Variants in FPR3 observed in about 807,000 individuals in gnomAD.
The protein encoded by FPR3 is formyl peptide receptor 3.
For missense variants in FPR3, 346 were observed against 443.2 expected (o/e 0.78, Z 1.97); for synonymous variants, 135 against 163.6 (o/e 0.83, Z 1.34).
At chr19:51,801,508 C>T (rs886191958) in intron 1 of FPR3, among the ~76,000 whole-genome samples, 1 of 152,174 alleles carries the variant, frequency 6.6e-6, no homozygotes, top group Non-Finnish European at 1.5e-5. Context: ...CGGCCGGACG[C>T]GGTGGCTCAC....
At chr19:51,821,577 G>C (rs1047509719) in intron 1 of FPR3, among the ~76,000 whole-genome samples, 2 of 152,094 alleles carry the variant, frequency 1.3e-5, no homozygotes, top group Non-Finnish European at 2.9e-5. Context: ...GAAAGTGACT[G>C]GTAATGACAG....
rs374836904 is a variant in FPR3, at chr19:51,801,713, G to A, written c.-11+6382G>A. Reference sequence around the variant, plus strand: ...GGACAATTGCTTGAACCTGGGAGGTGGAGGTTGCAGTGAGCCGAGATTGTG... The same window carrying A: ...GGACAATTGCTTGAACCTGGGAGGTAGAGGTTGCAGTGAGCCGAGATTGTG... On this transcript the variant is annotated intron_variant, in intron 1 of 1. Coordinates refer to ENST00000339223, the MANE Select transcript of FPR3 (RefSeq NM_002030.5). Among the ~76,000 whole-genome samples the A allele has an allele frequency of 1.7e-4, 26 of 152,278 alleles. No homozygotes were observed. In the East Asian group the frequency reaches 2.9e-3, roughly 17 times the overall value.
Position 51,824,022 on chromosome 19 carries a change from C to A in FPR3, c.274C>A (p.Pro92Thr), listed in dbSNP as rs772344801. Residue 92 changes from proline to threonine, a missense_variant, in exon 2 of 2, where the codon CCT becomes ACT. Physicochemically the swap from Pro to Thr is conservative, Grantham distance 38. Coordinates refer to ENST00000339223, the MANE Select transcript of FPR3 (RefSeq NM_002030.5). This position sits in a 1 kb window ranked among gnomAD's most constrained non-coding sequence, Gnocchi z 4.7. Reference protein sequence around the residue: ...MVSVAMREKWPFGSFLCKLVH... With the variant: ...MVSVAMREKWTFGSFLCKLVH... ...CTCAGTCGCCATGAGAGAAAAATGG[C>A]CTTTTGGCTCATTCCTATGTAAGTT... The A allele has an allele frequency of 5.6e-6, 9 of 1,614,074 alleles. No homozygotes were observed. The highest frequency in any genetic ancestry group is 3.3e-5 in the Admixed American group (2 of 60,006).
intron 1 of FPR3, 53 bp from the exon 2 acceptor site, chr19:51,823,686 G>A: frequency 1.5e-6 from 2 of 1,338,728 alleles, no homozygotes; most frequent in East Asian, 2.3e-5. Flanking sequence ...ATGAATAGTT[G>A]TATTGTAAGA....
chr19:51,800,677 T>C (rs905130637), intron 1 of FPR3, among the ~76,000 whole-genome samples: 2 of 152,144 alleles, frequency 1.3e-5, no homozygotes, highest in South Asian at 4.1e-4. Flanking sequence ...ATGGAATGTT[T>C]CACTTTGACC....
chr19:51,825,026 G>A lies in FPR3; in HGVS notation c.*216G>A. On this transcript the variant is annotated 3_prime_UTR_variant, in exon 2 of 2. Coordinates refer to ENST00000339223, the MANE Select transcript of FPR3 (RefSeq NM_002030.5). ...TAAATTCCAACACTATCTACCTGGA[G>A]CTACTGTCAGATCCCACAGGTTTAA... 1.9e-6 allele frequency: 1 copy of A among 527,826 alleles called. No individual in the cohort carries two copies. Among genetic ancestry groups the A allele is most frequent in the Non-Finnish European group, 3.5e-6 (1 of 288,556 alleles). 32.7% of individuals were successfully genotyped at this position (527,826 alleles called of 1,614,324 possible).
intron 1 of FPR3, among the ~76,000 whole-genome samples, chr19:51,797,245 A>G (rs891408596): frequency 2.0e-5 from 3 of 152,188 alleles, no homozygotes; most frequent in Non-Finnish European, 4.4e-5. Context: ...ACAGAAGTCA[A>G]TGTGGAGTGG....
intron 1 of FPR3, among the ~76,000 whole-genome samples, chr19:51,817,407 G>GAT (rs1226167895): frequency 6.6e-6 from 1 of 151,948 alleles, no homozygotes; most frequent in Non-Finnish European, 1.5e-5. Flanking sequence ...GAGAGAGAGA[G>GAT]AAAATAGCCA....
At chr19:51,812,854 C>T (rs775926048) in intron 1 of FPR3, among the ~76,000 whole-genome samples, 1 of 152,140 alleles carries the variant, frequency 6.6e-6, no homozygotes, top group African/African-American at 2.4e-5. Context: ...GACGTGGGGG[C>T]TCATGCCTGT....
At chr19:51,800,466 G>A (rs2084021643) in intron 1 of FPR3, among the ~76,000 whole-genome samples, 2 of 152,226 alleles carry the variant, frequency 1.3e-5, no homozygotes, top group South Asian at 4.1e-4. Flanking sequence ...GCCTGGGTGG[G>A]AGAGGTCTGG....
chr19:51,815,861 C>CAA (rs35067102), intron 1 of FPR3, among the ~76,000 whole-genome samples: 62 of 131,364 alleles, frequency 4.7e-4, no homozygotes, highest in African/African-American at 7.1e-4. Flanking sequence ...GACCCTGTCT[C>CAA]AAAAAAAAAA....
chr19:51,822,243 T>G (rs1478167396), intron 1 of FPR3, among the ~76,000 whole-genome samples: 4 of 152,202 alleles, frequency 2.6e-5, no homozygotes, highest in Non-Finnish European at 2.9e-5. Context: ...TCCCATAGTG[T>G]TATTGCCCAG....
rs113420229 is a variant in FPR3, at chr19:51,807,382, G to A, written c.-11+12051G>A. Reference sequence around the variant, plus strand: ...ACCTTTTGGTGGCAGCGCAGTGTGAGTTTGCCACATCCTGCATTCATGATA... The same window carrying A: ...ACCTTTTGGTGGCAGCGCAGTGTGAATTTGCCACATCCTGCATTCATGATA... On this transcript the variant is annotated intron_variant, in intron 1 of 1. Coordinates refer to ENST00000339223, the MANE Select transcript of FPR3 (RefSeq NM_002030.5). Among the ~76,000 whole-genome samples the A allele has an allele frequency of 5.1e-4, 78 of 152,310 alleles. 1 individual carries two copies. Among genetic ancestry groups the A allele is most frequent in the Non-Finnish European group, 7.2e-4 (49 of 68,018 alleles).
intron 1 of FPR3, 98 bp downstream of exon 1, chr19:51,795,429 C>T (rs1485776673): frequency 1.3e-5 from 2 of 149,190 alleles, no homozygotes; most frequent in Admixed American, 6.7e-5. Context: ...GTGAAGAATC[C>T]ACTTCGTTAG....
At chr19:51,800,155 G>A (rs1568426571) in intron 1 of FPR3, among the ~76,000 whole-genome samples, 1 of 152,168 alleles carries the variant, frequency 6.6e-6, no homozygotes. Flanking sequence ...GAGTCCCCAG[G>A]GCACCTTGCA....
At chr19:51,813,445 A>G (rs934309780) in intron 1 of FPR3, among the ~76,000 whole-genome samples, 3 of 151,856 alleles carry the variant, frequency 2.0e-5, no homozygotes, top group African/African-American at 7.3e-5. Flanking sequence ...GGCCCAGGGA[A>G]TGATCTAAGG....
rs568658118 is a variant in FPR3 at position 51,814,457 on chromosome 19, C to T, written c.-10-9282C>T. On this transcript the variant is annotated intron_variant, in intron 1 of 1. Transcript: ENST00000339223. Reference sequence around the variant, plus strand: ...ATTGGATAACGGGTACTCTCTCATGCATCTGCCTCACCTCTCAAGGTTTTT... The same window carrying T: ...ATTGGATAACGGGTACTCTCTCATGTATCTGCCTCACCTCTCAAGGTTTTT... Among the ~76,000 whole-genome samples the T allele has an allele frequency of 4.0e-5, 6 of 151,794 alleles. No individual in the cohort carries two copies. In the East Asian group the frequency reaches 1.2e-3, roughly 29 times the overall value.
intron 1 of FPR3, among the ~76,000 whole-genome samples, chr19:51,804,469 G>A (rs1005145672): frequency 4.6e-5 from 7 of 151,834 alleles, no homozygotes; most frequent in South Asian, 4.2e-4. Context: ...ATATATAACC[G>A]CATCAAAACA....
In FPR3 at chr19:51,824,559, A is replaced by G. The variant is rs1169862167; in HGVS notation, c.811A>G (p.Met271Val). Reference sequence around the variant, plus strand: ...TCTAATGGCAGTCTGGCTCAAAGAGATGTTGTTAAATGGCAAATACAAAAT... The same window carrying G: ...TCTAATGGCAGTCTGGCTCAAAGAGGTGTTGTTAAATGGCAAATACAAAAT... Reference protein sequence around the residue: ...GILMAVWLKEMLLNGKYKIIL... With the variant: ...GILMAVWLKEVLLNGKYKIIL... Residue 271 changes from methionine (M) to valine (V), a missense_variant, in exon 2 of 2, where the codon ATG (methionine) becomes GTG (valine). Transcript: ENST00000339223. This position sits in a 1 kb window ranked among gnomAD's most constrained non-coding sequence, Gnocchi z 4.7. 1 of 1,614,128 alleles carries G rather than the reference A, an allele frequency of 6.2e-7. No individual in the cohort carries two copies. Among genetic ancestry groups the G allele is most frequent in the South Asian group, 1.1e-5 (1 of 91,080 alleles).
Sources: gnomAD v4.1 joint callset for allele counts (sites outside exome capture counted in the v4.1 genomes callset) on GRCh38, gnomAD v4.1.1 for gene constraint, Gnocchi (gnomAD v3.1) non-coding constraint, MANE v1.5 for transcripts, NCBI Gene and HGNC (gene_info 2026-07-23, HGNC 2026-07-21) for gene names.